Variants in LRRC9 observed in about 807,000 individuals in gnomAD.
LRRC9 encodes leucine-rich repeat-containing protein 9.
LRRC9 carries 122 observed loss-of-function variants against 63.2 expected under a neutral mutation model. The observed-to-expected ratio is 1.93, with a 90% CI of 1.67 to 2.24. The LOEUF is 2.24. Among genes scored for constraint, LRRC9 ranks in the 30% most tolerant of loss-of-function variants. LRRC9 has a pLI of 0.00. For synonymous variants in LRRC9, 366 were observed against 213.1 expected (o/e 1.72, Z -6.25); for missense variants, 1,071 against 627.7 (o/e 1.71, Z -7.55).
chr14:59,993,375 C>T (rs1472445835), intron 17 of LRRC9, among the ~76,000 whole-genome samples: 1 of 152,136 alleles, frequency 6.6e-6, no homozygotes, highest in South Asian at 2.1e-4. Context: ...ATTGTAAAGA[C>T]CATCGAGGCT....
chr14:59,971,170 AT>A (rs760266290), intron 12 of LRRC9, among the ~76,000 whole-genome samples: 2 of 152,120 alleles, frequency 1.3e-5, no homozygotes, highest in Non-Finnish European at 2.9e-5. Context: ...TCCCAGCACC[AT>A]TTATTGAATA....
exon 25 of LRRC9, chr14:60,018,445 C>T: frequency 4.3e-6 from 3 of 700,210 alleles, no homozygotes; most frequent in East Asian, 5.4e-5. Context: ...CATCTTACCT[C>T]ATTCAGTGGA....
rs1245213923 is a variant in LRRC9 at position 59,978,191 on chromosome 14, A to G, written c.1878+59A>G. The G allele has an allele frequency of 5.9e-6, 4 of 682,684 alleles. No homozygotes were observed. In the African/African-American group the frequency reaches 7.0e-5, roughly 12 times the overall value. The allele number at this position is 682,684 out of a possible 1,614,324, so 42.3% of individuals were successfully genotyped here. On this transcript the variant is annotated intron_variant, in intron 15 of 31. Coordinates refer to ENST00000445360, the Ensembl canonical transcript of LRRC9. ...CTAATTCCTTAAATGGGAACAAAGT[A>G]GTAATTTGAAGTCGAATAATGCTAT... is the stretch of plus-strand genomic sequence containing the variant.
chr14:60,000,241 T>C (rs867741816), intron 19 of LRRC9, among the ~76,000 whole-genome samples: 1 of 151,928 alleles, frequency 6.6e-6, no homozygotes, highest in Non-Finnish European at 1.5e-5. Flanking sequence ...GAGCTAAACA[T>C]TGGGTACACA....
At chr14:60,009,841 G>A (rs372005940) in intron 23 of LRRC9, among the ~76,000 whole-genome samples, 49 of 152,284 alleles carry the variant, frequency 3.2e-4, no homozygotes, top group African/African-American at 1.1e-3. Context: ...GCTACAGGCC[G>A]CATGCAAGCC....
Position 59,976,048 on chromosome 14 carries a change from T to C in LRRC9, c.1640-1177T>C, listed in dbSNP as rs750276772. 3.3e-5 allele frequency among the ~76,000 whole-genome samples: 5 copies of C among 152,240 alleles called. No homozygotes were observed. In the East Asian group the frequency reaches 5.8e-4, roughly 18 times the overall value. The stretch of plus-strand genomic sequence containing the variant: ...GATTCTTATAGGGGCGCGAACCCTA[T>C]TGTGAACCGCACATGCGAGGGATCT... On this transcript the variant is annotated intron_variant, in intron 13 of 31. Transcript: ENST00000445360.
At chr14:59,921,310 G>A (rs892348302) in intron 1 of LRRC9, among the ~76,000 whole-genome samples, 2 of 152,092 alleles carry the variant, frequency 1.3e-5, no homozygotes, top group African/African-American at 4.8e-5. Context: ...CTTCCAAAGG[G>A]GTAAAGCATG....
intron 17 of LRRC9, among the ~76,000 whole-genome samples, chr14:59,985,505 A>T (rs952222791): frequency 6.6e-6 from 1 of 152,190 alleles, no homozygotes; most frequent in Non-Finnish European, 1.5e-5. Context: ...TATTTTTTAA[A>T]AACTGTGCTG....
chr14:60,037,835 C>T (rs1351832879), intron 29 of LRRC9, among the ~76,000 whole-genome samples: 1 of 152,102 alleles, frequency 6.6e-6, no homozygotes, highest in African/African-American at 2.4e-5. Flanking sequence ...TCATGAAGTC[C>T]TTGTCCATGT....
intron 12 of LRRC9, among the ~76,000 whole-genome samples, chr14:59,970,239 G>A (rs1279271103): frequency 1.3e-5 from 2 of 151,466 alleles, no homozygotes; most frequent in Admixed American, 6.6e-5. Context: ...TCCTGTGTTA[G>A]TTTGCTAAGG....
At chr14:60,056,495 T>G (rs1446336606) in intron 30 of LRRC9, among the ~76,000 whole-genome samples, 1 of 152,196 alleles carries the variant, frequency 6.6e-6, no homozygotes, top group Non-Finnish European at 1.5e-5. Flanking sequence ...TCTTTTCTAT[T>G]TATCATATAG....
chr14:59,924,776 C>A (rs966452822), intron 1 of LRRC9, among the ~76,000 whole-genome samples: 3 of 152,100 alleles, frequency 2.0e-5, no homozygotes, highest in African/African-American at 7.2e-5. Flanking sequence ...TGATTTGGCC[C>A]TGAAATACCT....
intron 8 of LRRC9, among the ~76,000 whole-genome samples, chr14:59,957,262 C>A (rs1293280804): frequency 6.6e-6 from 1 of 152,120 alleles, no homozygotes; most frequent in African/African-American, 2.4e-5. Flanking sequence ...TTCAGGGACC[C>A]CAATCAACCA....
intron 30 of LRRC9, among the ~76,000 whole-genome samples, chr14:60,057,139 C>T (rs536914020): frequency 6.6e-6 from 1 of 152,070 alleles, no homozygotes; most frequent in Admixed American, 6.5e-5. Context: ...ACAGAAAAGG[C>T]CTCCATCTCT....
In LRRC9 at chr14:60,016,793, A is replaced by G. The variant is rs1007306253; in HGVS notation, c.3317+3A>G. 3.7e-5 allele frequency: 25 copies of G among 678,616 alleles called. No individual in the cohort carries two copies. Among genetic ancestry groups the G allele is most frequent in the African/African-American group, 7.1e-5 (4 of 56,726 alleles). 42.0% of individuals were successfully genotyped at this position (678,616 alleles called of 1,614,324 possible). ...AATTGGACTTCATCATCTATTAGGT[A>G]CAATCATTTTATTATATGCCTTTTT... On this transcript the variant is annotated splice_donor_region_variant and intron_variant, in intron 24 of 31. Transcript: ENST00000445360.
intron 15 of LRRC9, among the ~76,000 whole-genome samples, chr14:59,981,168 T>C (rs1344735476): frequency 1.3e-5 from 2 of 152,204 alleles, no homozygotes; most frequent in Admixed American, 6.5e-5. Flanking sequence ...ATTGCTAATT[T>C]GATCTGCTAC....
At position 59,966,168 on chromosome 14, in the gene LRRC9, G is replaced by C. The variant is rs533954663; in HGVS notation, c.1212-421G>C. The stretch of plus-strand genomic sequence containing the variant: ...AGATCAAGACTAGAAATAAAATGTT[G>C]TAATTTATCAGGATGTATATAAAGC... On this transcript the variant is annotated intron_variant, in intron 10 of 31. Coordinates refer to ENST00000445360, the Ensembl canonical transcript of LRRC9. This position sits in a 1 kb window ranked among gnomAD's most constrained non-coding sequence, Gnocchi z 4.0. Among the ~76,000 whole-genome samples, 42 of 152,146 alleles carry C rather than the reference G, an allele frequency of 2.8e-4. No homozygotes were observed. The highest frequency in any genetic ancestry group is 8.2e-4 in the African/African-American group (34 of 41,468).
chr14:60,062,222 T>TA (rs1198945175), intron 31 of LRRC9, 43 bp downstream of exon 32: 1 of 398,218 alleles, frequency 2.5e-6, no homozygotes, highest in Non-Finnish European at 4.4e-6. Context: ...TTCTCATCAT[T>TA]AAAAAAGTAC....
At chr14:60,028,429 C>T (rs565368673) in intron 28 of LRRC9, among the ~76,000 whole-genome samples, 2 of 152,142 alleles carry the variant, frequency 1.3e-5, no homozygotes, top group South Asian at 4.1e-4. Flanking sequence ...ATCTCGATTC[C>T]GGACTTCCTT....
Sources: gnomAD v4.1 joint callset for allele counts (sites outside exome capture counted in the v4.1 genomes callset) on GRCh38, gnomAD v4.1.1 for gene constraint, Gnocchi (gnomAD v3.1) non-coding constraint, MANE v1.5 for transcripts, NCBI Gene and HGNC (gene_info 2026-07-23, HGNC 2026-07-21) for gene names.